Variants in VPS13D observed in about 807,000 individuals in gnomAD.
The protein encoded by VPS13D is intermembrane lipid transfer protein VPS13D.
VPS13D carries 187 observed loss-of-function variants against 461.9 expected under a neutral mutation model. The ratio of observed to expected loss-of-function variants is 0.40; its 90% CI spans 0.36 to 0.46. The LOEUF is 0.46. Ranked by LOEUF, VPS13D falls within the 20% of genes least tolerant of loss-of-function variation. The probability of loss-of-function intolerance (pLI) is 0.60; values close to 1 mark genes in which losing one functional copy is unlikely to be tolerated. For synonymous variants in VPS13D, 1,951 were observed against 1,986.3 expected (o/e 0.98, Z 0.47); for missense variants, 4,711 against 5,364.9 (o/e 0.88, Z 3.81).
At position 12,256,495 on chromosome 1, in the gene VPS13D, C is replaced by T. The variant is rs757588941; in HGVS notation, c.832C>T (p.Leu278Phe). The change falls in exon 8 of 70, where the codon CTC (leucine) becomes TTC (phenylalanine). Residue 278 changes from leucine to phenylalanine, a missense_variant. Leu to Phe is a conservative substitution (Grantham distance 22, BLOSUM62 0). Transcript: ENST00000620676. ...DIQLETIPLK[L>F]SQLQYRQIME... ...TCAGCTGGAGACCATTCCCTTGAAA[C>T]TCTCTCAGGTATGCCCTTTCTTCTC... 60 of 1,613,926 alleles carry T rather than the reference C, an allele frequency of 3.7e-5. No individual in the cohort carries two copies. The highest frequency in any genetic ancestry group is 4.9e-5 in the Non-Finnish European group (58 of 1,179,974).
At chr1:12,439,976 A>G (rs1645109005) in intron 65 of VPS13D, among the ~76,000 whole-genome samples, 2 of 152,158 alleles carry the variant, frequency 1.3e-5, no homozygotes, top group African/African-American at 4.8e-5. Context: ...TGCAGTGAAT[A>G]TTGGCTCTAT....
At chr1:12,289,712 G>C (rs575834323) in intron 22 of VPS13D, among the ~76,000 whole-genome samples, 1 of 152,156 alleles carries the variant, frequency 6.6e-6, no homozygotes, top group Non-Finnish European at 1.5e-5. Context: ...CTAGCACTTT[G>C]GGAGGCTGAG....
At chr1:12,360,505 C>T (rs1168832262) in intron 50 of VPS13D, among the ~76,000 whole-genome samples, 2 of 152,052 alleles carry the variant, frequency 1.3e-5, no homozygotes, top group African/African-American at 4.8e-5. Flanking sequence ...CACCTTTTTC[C>T]AAAGATTGAG....
rs370198400 is a variant in VPS13D at position 12,335,754 on chromosome 1, T to C, written c.8478T>C (p.Asp2826=). 2.2e-4 allele frequency: 348 copies of C among 1,614,054 alleles called. No individual in the cohort carries two copies. The highest frequency in any genetic ancestry group is 2.8e-4 in the Non-Finnish European group (336 of 1,180,006). ...CGTGGATGGCAGATTACTGTAAAGA[T>C]GACAAGGACATAGAGTCAGCTAAAT... ...KESWMADYCK[D]DKDIESAKSE... is the part of the protein sequence containing the mutation. The change falls in exon 39 of 70, where the codon GAT becomes GAC. Residue 2826 remains aspartate (D), a synonymous_variant. Transcript: ENST00000620676.
chr1:12,492,902 A>G (rs1645902105), intron 67 of VPS13D, among the ~76,000 whole-genome samples: 1 of 152,214 alleles, frequency 6.6e-6, no homozygotes, highest in African/African-American at 2.4e-5. Context: ...CCCAAAGAAC[A>G]TAACAAGAAT....
intron 33 of VPS13D, among the ~76,000 whole-genome samples, chr1:12,322,272 T>C (rs1643059698): frequency 6.6e-6 from 1 of 152,132 alleles, no homozygotes; most frequent in African/African-American, 2.4e-5. Flanking sequence ...TTTACCGTGT[T>C]AGCCAGGATG....
chr1:12,435,768 T>C (rs1040390028), intron 65 of VPS13D, among the ~76,000 whole-genome samples: 1 of 151,744 alleles, frequency 6.6e-6, no homozygotes, highest in Admixed American at 6.6e-5. Context: ...GGATTAACCA[T>C]GTAAGGCTGT....
At chr1:12,455,892 A>T in intron 65 of VPS13D, 106 bp from the exon 66 acceptor site, 1 of 1,375,248 alleles carries the variant, frequency 7.3e-7, no homozygotes, top group Admixed American at 2.5e-5. Flanking sequence ...ACAGACCAGC[A>T]TGGGCTTATC....
chr1:12,427,242 T>TTTATTATTATTA (rs55913483), intron 65 of VPS13D, among the ~76,000 whole-genome samples: 20 of 128,776 alleles, frequency 1.6e-4, no homozygotes, highest in East Asian at 6.2e-4. Flanking sequence ...TTGTCATTAT[T>TTTATTATTATTA]TTATTATTAT....
rs543551727 is a variant in VPS13D, at chr1:12,495,309, C to T, written c.12663-2191C>T. On this transcript the variant is annotated intron_variant, in intron 67 of 69. Coordinates refer to ENST00000620676, the MANE Select transcript of VPS13D (RefSeq NM_015378.4). This position sits in a 1 kb window ranked among gnomAD's most constrained non-coding sequence, Gnocchi z 4.0. Reference sequence around the variant, plus strand: ...GGACTACAGGCGCCCGCCACTCCCCCGCCCACCCCAGCTAATTTTTTGTAT... The same window carrying T: ...GGACTACAGGCGCCCGCCACTCCCCTGCCCACCCCAGCTAATTTTTTGTAT... Among the ~76,000 whole-genome samples the T allele has an allele frequency of 9.9e-5, 15 of 152,168 alleles. No individual in the cohort carries two copies. The East Asian group carries it at 2.1e-3, about 22-fold the overall frequency.
intron 24 of VPS13D, 78 bp downstream of exon 24, chr1:12,293,782 T>G: frequency 1.4e-4 from 188 of 1,355,122 alleles, no homozygotes; most frequent in Non-Finnish European, 1.7e-4. Flanking sequence ...GAGATGAATC[T>G]GGAAGAGTAA....
In VPS13D at chr1:12,387,299, A is replaced by G. The variant is rs563582210; in HGVS notation, c.11634+965A>G. On this transcript the variant is annotated intron_variant, in intron 60 of 69. Coordinates refer to ENST00000620676, the MANE Select transcript of VPS13D (RefSeq NM_015378.4). ...GATCCGAAAGAATCAACCTCTTCCC[A>G]AGTAAATTAACCATATCCTTGAATA... Among the ~76,000 whole-genome samples the G allele has an allele frequency of 3.3e-5, 5 of 152,374 alleles. No individual in the cohort carries two copies. The South Asian group carries it at 1.0e-3, about 32-fold the overall frequency.
chr1:12,323,489 A>G (rs1430770808), intron 34 of VPS13D, among the ~76,000 whole-genome samples: 1 of 151,132 alleles, frequency 6.6e-6, no homozygotes, highest in African/African-American at 2.4e-5. Flanking sequence ...ATTCCTGGCC[A>G]GGACACCACT....
intron 23 of VPS13D, among the ~76,000 whole-genome samples, chr1:12,292,470 C>T (rs1331729314): frequency 5.5e-5 from 7 of 127,146 alleles, no homozygotes; most frequent in South Asian, 2.6e-4. Context: ...GACGAGGTCT[C>T]GCTCTGTCAC....
At chr1:12,481,201 G>A (rs756706841) in intron 67 of VPS13D, among the ~76,000 whole-genome samples, 4 of 152,180 alleles carry the variant, frequency 2.6e-5, no homozygotes, top group Non-Finnish European at 5.9e-5. Flanking sequence ...GCACGGGGAG[G>A]CCCAGGCAGG....
At chr1:12,312,042 G>GC in intron 29 of VPS13D, 117 bp downstream of exon 29, 4 of 676,480 alleles carry the variant, frequency 5.9e-6, no homozygotes, top group South Asian at 2.9e-5. Context: ...AATGTTGTCT[G>GC]CAGAGTGTCT....
rs998499831 is a variant in VPS13D, at chr1:12,288,219, C to G, written c.5635-4C>G. On this transcript the variant is annotated splice_region_variant and splice_polypyrimidine_tract_variant and intron_variant, in intron 21 of 69. Transcript: ENST00000620676. ...TGGCCTTGCTTTATCTTGTCTGTTCCTAGGTTCATTCACTTTCTCTAGTGC... is the reference window on the plus strand; with the variant it reads ...TGGCCTTGCTTTATCTTGTCTGTTCGTAGGTTCATTCACTTTCTCTAGTGC... 7.4e-6 allele frequency: 12 copies of G among 1,612,048 alleles called. No homozygotes were observed. The highest frequency in any genetic ancestry group is 1.1e-5 in the South Asian group (1 of 90,922).
At chr1:12,365,940 A>G (rs1453203568) in intron 52 of VPS13D, among the ~76,000 whole-genome samples, 2 of 152,112 alleles carry the variant, frequency 1.3e-5, no homozygotes, top group East Asian at 1.9e-4. Context: ...GTCTTGCTCT[A>G]TTGCCCAGGC....
At chr1:12,262,223 G>A (rs1641132759) in intron 13 of VPS13D, 143 bp downstream of exon 13, 2 of 870,418 alleles carry the variant, frequency 2.3e-6, no homozygotes, top group South Asian at 2.1e-5. Context: ...TGCTCTTAGG[G>A]GAAATACTGG....
Sources: gnomAD v4.1 joint callset for allele counts (sites outside exome capture counted in the v4.1 genomes callset) on GRCh38, gnomAD v4.1.1 for gene constraint, Gnocchi (gnomAD v3.1) non-coding constraint, MANE v1.5 for transcripts, NCBI Gene and HGNC (gene_info 2026-07-23, HGNC 2026-07-21) for gene names.